Variants in THAP4 observed in about 807,000 individuals in gnomAD.
THAP4 encodes peroxynitrite isomerase THAP4.
Under a neutral mutation model 48.1 loss-of-function variants are expected in THAP4, and 18 were observed. That is an observed-to-expected ratio of 0.37 (90% CI 0.26 to 0.56). THAP4 has a LOEUF of 0.56. Among genes scored for constraint, THAP4 ranks in the 20% least tolerant of loss-of-function variants. The pLI is 0.78. For synonymous variants in THAP4, 345 were observed against 324.9 expected, an observed-to-expected ratio of 1.06 and a Z score of -0.66; for missense variants, 656 against 774.9, an observed-to-expected ratio of 0.85 and a Z score of 1.82.
intron 2 of THAP4, among the ~76,000 whole-genome samples, chr2:241,628,572 C>T (rs146601219): frequency 2.2e-4 from 34 of 152,000 alleles, no homozygotes; most frequent in African/African-American, 6.8e-4. Context: ...TTGCTACCAC[C>T]GCCACTTCCT....
intron 2 of THAP4, among the ~76,000 whole-genome samples, chr2:241,611,618 G>A (rs2125084395): frequency 6.6e-6 from 1 of 152,052 alleles, no homozygotes; most frequent in South Asian, 2.1e-4. Flanking sequence ...CAGCTACTAG[G>A]GAGGCTGAGG....
At chr2:241,590,630 C>G (rs2066955502) in intron 5 of THAP4, among the ~76,000 whole-genome samples, 5 of 151,526 alleles carry the variant, frequency 3.3e-5, no homozygotes, top group Admixed American at 1.3e-4. Context: ...CACTAGGACA[C>G]GCAGAGCTGC....
At chr2:241,628,460 C>A (rs549763110) in intron 2 of THAP4, among the ~76,000 whole-genome samples, 1 of 152,200 alleles carries the variant, frequency 6.6e-6, no homozygotes, top group East Asian at 1.9e-4. Flanking sequence ...TCCCCAAAAG[C>A]CTCTCCCACT....
Position 241,603,958 on chromosome 2 carries a change from GCTGGGCAACACAGACC to G in THAP4, c.1401-895_1401-880del, listed in dbSNP as rs538944442. ...CTTGAGCCTAGGAATTTGAGACAGG[GCTGGGCAACACAGACC>G]CTGTTTCTACAAAAATAAAAACAAA... On this transcript the variant is annotated intron_variant, in intron 3 of 5. Transcript: ENST00000407315. Among the ~76,000 whole-genome samples, 60 of 151,040 alleles carry G rather than the reference GCTGGGCAACACAGACC, an allele frequency of 4.0e-4. 1 individual carries two copies. In the South Asian group the frequency reaches 0.012, roughly 31 times the overall value.
At position 241,603,046 on chromosome 2, in the gene THAP4, C is replaced by T. The variant is rs747054571; in HGVS notation, c.1434G>A (p.Pro478=). Residue 478 remains proline, a synonymous_variant, in exon 4 of 6, where the codon CCG becomes CCA. Transcript: ENST00000407315. ...GAATGAAGCCACACTCTCTGTGCATCGGCTTGCGCGTGTCCGGGTGGAAGG... is the reference window on the plus strand; with the variant it reads ...GAATGAAGCCACACTCTCTGTGCATTGGCTTGCGCGTGTCCGGGTGGAAGG... ...FNSFHPDTRK[P]MHRECGFIRL... 8 of 1,613,942 alleles carry T rather than the reference C, an allele frequency of 5.0e-6. No homozygotes were observed. The highest frequency in any genetic ancestry group is 3.3e-5 in the Admixed American group (2 of 60,006).
At chr2:241,618,283 TACAG>T (rs1368883566) in intron 2 of THAP4, among the ~76,000 whole-genome samples, 1 of 152,026 alleles carries the variant, frequency 6.6e-6, no homozygotes, top group Non-Finnish European at 1.5e-5. Context: ...GGAGAGAAAA[TACAG>T]CAAGTATTTC....
chr2:241,587,427 T>G (rs2066907649), intron 5 of THAP4, among the ~76,000 whole-genome samples: 2 of 152,312 alleles, frequency 1.3e-5, no homozygotes, highest in South Asian at 2.1e-4. Context: ...GTGACACCAC[T>G]GACTTCCCTG....
In THAP4 at chr2:241,611,561, A is replaced by T. The variant is rs369252929; in HGVS notation, c.1241-5088T>A. 5.9e-5 allele frequency among the ~76,000 whole-genome samples: 9 copies of T among 152,138 alleles called. No homozygotes were observed. The East Asian group carries it at 1.2e-3, about 20-fold the overall frequency. ...AACATGGTGAAATCCCATCTCTACT[A>T]AAAATATAAAAAACTAGCCGGGCGT... On this transcript the variant is annotated intron_variant, in intron 2 of 5. Transcript: ENST00000407315.
At chr2:241,617,539 G>C in intron 2 of THAP4, 1 of 1,332,116 alleles carries the variant, frequency 7.5e-7, no homozygotes, top group Admixed American at 2.3e-5. Flanking sequence ...AACTTTAAAT[G>C]GTGCATTCTG....
rs566945885 is a variant in THAP4, at chr2:241,636,702, G to A, written c.77+239C>T. On this transcript the variant is annotated intron_variant, in intron 1 of 5. Coordinates refer to ENST00000407315, the MANE Select transcript of THAP4 (RefSeq NM_015963.6). ...GGCTTCTGAAGCCTAGGCGCCGGCC[G>A]GATCGATCGCGCGCAGGGCGGACCC... 7.9e-5 allele frequency among the ~76,000 whole-genome samples: 12 copies of A among 152,070 alleles called. No individual in the cohort carries two copies. In the South Asian group the frequency reaches 2.5e-3, roughly 31 times the overall value.
rs1268929752 is a variant in THAP4 at position 241,610,789 on chromosome 2, G to A, written c.1241-4316C>T. On this transcript the variant is annotated intron_variant, in intron 2 of 5. Coordinates refer to ENST00000407315, the MANE Select transcript of THAP4 (RefSeq NM_015963.6). This position sits in a 1 kb window ranked among gnomAD's most constrained non-coding sequence, Gnocchi z 4.2. ...CGCTCCTTAAATGGGGAAGAAAGAC[G>A]GACAGAGCCAGGGACAGCGAGAGAC... Among the ~76,000 whole-genome samples the A allele has an allele frequency of 6.6e-6, 1 of 152,058 alleles. No individual in the cohort carries two copies. The highest frequency in any genetic ancestry group is 1.5e-5 in the Non-Finnish European group (1 of 68,012).
chr2:241,595,015 T>TC (rs1398566720), intron 5 of THAP4, among the ~76,000 whole-genome samples: 1 of 151,418 alleles, frequency 6.6e-6, no homozygotes, highest in East Asian at 1.9e-4. Context: ...TGTGAAGATC[T>TC]TTTTTTTTCT....
At chr2:241,606,500 GT>G (rs2067186290) in intron 2 of THAP4, 27 bp from the exon 3 acceptor site, 1 of 1,570,000 alleles carries the variant, frequency 6.4e-7, no homozygotes, top group African/African-American at 1.3e-5. Context: ...GAGACTATCA[GT>G]GGCCTCCCTC....
At chr2:241,618,155 T>C (rs1163223123) in intron 2 of THAP4, among the ~76,000 whole-genome samples, 1 of 152,140 alleles carries the variant, frequency 6.6e-6, no homozygotes, top group African/African-American at 2.4e-5. Flanking sequence ...TATGTTTGGG[T>C]CCACTGACAA....
At chr2:241,593,249 A>G (rs1475946125) in intron 5 of THAP4, among the ~76,000 whole-genome samples, 1 of 152,154 alleles carries the variant, frequency 6.6e-6, no homozygotes, top group African/African-American at 2.4e-5. Context: ...TGTCTAAAAA[A>G]AAGTAATAAT....
At chr2:241,605,709 G>T (rs1442016972) in intron 3 of THAP4, among the ~76,000 whole-genome samples, 1 of 151,086 alleles carries the variant, frequency 6.6e-6, no homozygotes, top group African/African-American at 2.4e-5. Flanking sequence ...AATATTGGGT[G>T]ACTAATTTTT....
rs1285941555 is a variant in THAP4, at chr2:241,620,326, GGTGAGTGAGTCA to G, written c.1240+12579_1240+12590del. ...GTCGTGAGTGAGGGGTGAGTGAGTC[GGTGAGTGAGTCA>G]GTGAGTGAGGGGTGAGTGAGTCGGT... On this transcript the variant is annotated intron_variant, in intron 2 of 5. Transcript: ENST00000407315. Among the ~76,000 whole-genome samples the G allele has an allele frequency of 1.7e-4, 18 of 108,638 alleles. 2 individuals carry two copies. The highest frequency in any genetic ancestry group is 6.8e-4 in the African/African-American group (18 of 26,326). The allele number at this position is 108,638 out of a possible 152,430, so 71.3% of individuals were successfully genotyped here. A position where few individuals can be genotyped will look rare whatever the true frequency, so the allele number is the denominator to read the frequency against.
chr2:241,619,953 AGTGAGGG>A (rs1421148160), intron 2 of THAP4, among the ~76,000 whole-genome samples: 2 of 59,222 alleles, frequency 3.4e-5, no homozygotes, highest in African/African-American at 7.1e-5. Flanking sequence ...TGAGTCATTG[AGTGAGGG>A]GTGAGGGGTG....
Position 241,601,472 on chromosome 2 carries a change from A to C in THAP4, c.1614+424T>G, listed in dbSNP as rs1219249035. The stretch of plus-strand genomic sequence containing the variant: ...ATTCTGAAAATACACCATGTTGTTA[A>C]GGAGTAGGGAACCAGCTGCCCTCAT... On this transcript the variant is annotated intron_variant, in intron 5 of 5. Transcript: ENST00000407315. The surrounding 1 kb of genome is among the most constrained non-coding windows in gnomAD (Gnocchi z 4.0). 6.6e-6 allele frequency among the ~76,000 whole-genome samples: 1 copy of C among 152,212 alleles called. No homozygotes were observed. The highest frequency in any genetic ancestry group is 6.5e-5 in the Admixed American group (1 of 15,274).
Sources: gnomAD v4.1 joint callset for allele counts (sites outside exome capture counted in the v4.1 genomes callset) on GRCh38, gnomAD v4.1.1 for gene constraint, Gnocchi (gnomAD v3.1) non-coding constraint, MANE v1.5 for transcripts, NCBI Gene and HGNC (gene_info 2026-07-23, HGNC 2026-07-21) for gene names.